Variants in SVEP1 observed in about 807,000 individuals in gnomAD.
SVEP1 encodes the protein sushi, von Willebrand factor type A, EGF and pentraxin domain containing 1, also known as sushi, von Willebrand factor type A, EGF and pentraxin domain-containing protein 1.
Under a neutral mutation model 367.3 loss-of-function variants are expected in SVEP1, and 164 were observed. The observed-to-expected ratio is 0.45, with a 90% CI of 0.39 to 0.51. The LOEUF (loss-of-function observed/expected upper bound fraction) is 0.51. Among genes scored for constraint, SVEP1 ranks in the 20% least tolerant of loss-of-function variants. The pLI, the probability that SVEP1 is intolerant of heterozygous loss-of-function variation, is 0.00. For missense variants in SVEP1, 4,117 were observed against 4,425.3 expected, an observed-to-expected ratio of 0.93 and a Z score of 1.98; for synonymous variants, 1,666 against 1,611.6, an observed-to-expected ratio of 1.03 and a Z score of -0.81.
intron 37 of SVEP1, among the ~76,000 whole-genome samples, chr9:110,409,681 A>C (rs1004317043): frequency 2.6e-5 from 4 of 152,118 alleles, no homozygotes; most frequent in Non-Finnish European, 5.9e-5. Flanking sequence ...AGTCAAATAA[A>C]ATGTTTTTAT....
chr9:110,379,872 T>A (rs1301914387), intron 43 of SVEP1, among the ~76,000 whole-genome samples: 1 of 152,236 alleles, frequency 6.6e-6, no homozygotes, highest in Non-Finnish European at 1.5e-5. Context: ...GAAAGCATGA[T>A]GATTGTAGTC....
At position 110,481,348 on chromosome 9, in the gene SVEP1, G is replaced by A; in HGVS notation, c.2259C>T (p.Cys753=). Residue 753 remains cysteine, a synonymous_variant, in exon 12 of 48, where the codon TGC becomes TGT. Coordinates refer to ENST00000374469, the MANE Select transcript of SVEP1 (RefSeq NM_153366.4). Reference sequence around the variant, plus strand: ...CTTCTGTGAAATCATAGCCCTCCAAGCAAGTTAATGTACAGTTGACTCCAG... The same window carrying A: ...CTTCTGTGAAATCATAGCCCTCCAAACAAGTTAATGTACAGTTGACTCCAG... ...DNTGVNCTLT[C]LEGYDFTEGS... The A allele has an allele frequency of 1.2e-6, 2 of 1,611,180 alleles. No homozygotes were observed. The highest frequency in any genetic ancestry group is 1.7e-6 in the Non-Finnish European group (2 of 1,178,640).
intron 43 of SVEP1, among the ~76,000 whole-genome samples, chr9:110,384,310 C>T (rs1290789198): frequency 1.6e-5 from 2 of 128,752 alleles, no homozygotes; most frequent in Admixed American, 1.5e-4. Context: ...CCAGGTGGGC[C>T]GTTGTACCAC....
chr9:110,536,148 G>A (rs1052183533), intron 3 of SVEP1, among the ~76,000 whole-genome samples: 1 of 152,002 alleles, frequency 6.6e-6, no homozygotes, highest in Admixed American at 6.6e-5. Context: ...TTTATTAAGA[G>A]TTTTTAACAT....
chr9:110,424,146 G>C (rs1042167824), intron 36 of SVEP1, among the ~76,000 whole-genome samples: 1 of 152,160 alleles, frequency 6.6e-6, no homozygotes, highest in African/African-American at 2.4e-5. Flanking sequence ...CCAACTCTTC[G>C]TGTCTAGGTC....
chr9:110,418,996 A>T (rs1400676596), intron 36 of SVEP1, among the ~76,000 whole-genome samples: 1 of 23,408 alleles, frequency 4.3e-5, no homozygotes, highest in African/African-American at 1.6e-4. Flanking sequence ...AACCGGTACC[A>T]GCCGCTGCAA....
At chr9:110,389,197 T>C (rs1208511492) in intron 41 of SVEP1, among the ~76,000 whole-genome samples, 1 of 151,806 alleles carries the variant, frequency 6.6e-6, no homozygotes, top group Non-Finnish European at 1.5e-5. Context: ...ACAACAGCTC[T>C]TAGCCTTCTA....
At chr9:110,516,636 T>TC (rs1829808027) in intron 3 of SVEP1, among the ~76,000 whole-genome samples, 1 of 151,422 alleles carries the variant, frequency 6.6e-6, no homozygotes, top group Non-Finnish European at 1.5e-5. Context: ...TAAACAGGAG[T>TC]CAGCAGCTGT....
At chr9:110,397,290 A>G (rs918873276) in intron 40 of SVEP1, among the ~76,000 whole-genome samples, 107 of 152,394 alleles carry the variant, frequency 7.0e-4, no homozygotes, top group African/African-American at 2.5e-3. Context: ...ACAAAATTCA[A>G]CAACACTTCA....
chr9:110,501,474 C>T (rs1367279938), intron 6 of SVEP1, among the ~76,000 whole-genome samples: 1 of 151,174 alleles, frequency 6.6e-6, no homozygotes, highest in African/African-American at 2.4e-5. Flanking sequence ...TTAATGAGCT[C>T]TCGTTGATTA....
At chr9:110,449,918 ATATTCAGCTGTAGCC>A in intron 24 of SVEP1, 126 bp downstream of exon 24, 1 of 951,622 alleles carries the variant, frequency 1.1e-6, no homozygotes, top group Non-Finnish European at 1.6e-6. Flanking sequence ...GGCGGTGGGA[ATATTCAGCTGTAGCC>A]TATCCTCGGG....
At chr9:110,430,121 T>TGG in intron 33 of SVEP1, 117 bp from the exon 34 acceptor site, 1 of 1,159,692 alleles carries the variant, frequency 8.6e-7, no homozygotes, top group Middle Eastern at 2.6e-4. Context: ...TTTTTTTTTT[T>TGG]TGGTGTGTGT....
At chr9:110,461,911 G>A (rs1828863976) in intron 18 of SVEP1, among the ~76,000 whole-genome samples, 1 of 151,974 alleles carries the variant, frequency 6.6e-6, no homozygotes, top group Admixed American at 6.6e-5. Context: ...TCTGTTATTC[G>A]CACAAACTGT....
At position 110,404,372 on chromosome 9, in the gene SVEP1, A is replaced by G. The variant is rs1564132383; in HGVS notation, c.9621T>C (p.Cys3207=). The G allele has an allele frequency of 6.2e-7, 1 of 1,613,910 alleles. No individual in the cohort carries two copies. The highest frequency in any genetic ancestry group is 8.5e-7 in the Non-Finnish European group (1 of 1,179,900). The change falls in exon 39 of 48, where the codon TGT becomes TGC. Residue 3207 remains cysteine, a synonymous_variant. Transcript: ENST00000374469. ...FSVNRQVSVS[C]AEGYTFEGVN... ...CTCCCTCAAAGGTATACCCTTCTGC[A>G]CATGACACAGAAACTTGCCTATTCA...
At chr9:110,554,548 T>C (rs1830332530) in intron 1 of SVEP1, among the ~76,000 whole-genome samples, 1 of 152,194 alleles carries the variant, frequency 6.6e-6, no homozygotes, top group South Asian at 2.1e-4. Flanking sequence ...CATCCTCTCA[T>C]GTCAGAAAAC....
At position 110,407,402 on chromosome 9, in the gene SVEP1, G is replaced by A. The variant is rs373082070; in HGVS notation, c.8198C>T (p.Thr2733Ile). The A allele has an allele frequency of 4.3e-6, 7 of 1,613,890 alleles. No individual in the cohort carries two copies. The highest frequency in any genetic ancestry group is 5.9e-6 in the Non-Finnish European group (7 of 1,179,898). Residue 2733 changes from threonine (T) to isoleucine (I), a missense_variant, in exon 38 of 48, where the codon ACT becomes ATT. Around this residue, in one of 4 missense-constraint regions of SVEP1, gnomAD observed 1,765 missense variants for 1,781.1 expected, o/e 0.99. Transcript: ENST00000374469. Reference protein sequence around the residue: ...PENGFLRFTETSMGSAVQYSC... With the variant: ...PENGFLRFTEISMGSAVQYSC... ...ATACTGCACAGCACTTCCCATGCTA[G>A]TCTCTGTAAAACGCAAAAAGCCATT...
chr9:110,518,734 C>G (rs1203178209), intron 3 of SVEP1, among the ~76,000 whole-genome samples: 1 of 152,134 alleles, frequency 6.6e-6, no homozygotes, highest in Non-Finnish European at 1.5e-5. Flanking sequence ...CCCTAAAAAT[C>G]TTCTACGTTA....
intron 43 of SVEP1, among the ~76,000 whole-genome samples, chr9:110,382,671 G>A (rs554319445): frequency 6.6e-6 from 1 of 152,084 alleles, no homozygotes; most frequent in Non-Finnish European, 1.5e-5. Flanking sequence ...TTTCCAAGGT[G>A]GTTCTATACT....
chr9:110,390,339 ACT>A lies in SVEP1; in HGVS notation c.9823-754_9823-753del, dbSNP rs376609075. 4.0e-3 allele frequency among the ~76,000 whole-genome samples: 118 copies of A among 29,680 alleles called. 8 individuals are homozygous for A. The highest frequency in any genetic ancestry group is 0.039 in the East Asian group (71 of 1,820). The allele number at this position is 29,680 out of a possible 152,430, so 19.5% of individuals were successfully genotyped here. A position where few individuals can be genotyped will look rare whatever the true frequency, so the allele number is the denominator to read the frequency against. On this transcript the variant is annotated intron_variant, in intron 40 of 47. Coordinates refer to ENST00000374469, the MANE Select transcript of SVEP1 (RefSeq NM_153366.4). ...TGTATATATACTTATATATACACAT[ACT>A]TATATACACTTATATATATATACTT...
Sources: allele counts gnomAD v4.1 joint callset (sites outside exome capture counted in the v4.1 genomes callset), GRCh38; gene constraint gnomAD v4.1.1; regional missense constraint gnomAD v4.1.1; transcripts MANE v1.5; gene names NCBI Gene and HGNC (gene_info 2026-07-23, HGNC 2026-07-21).